GEMIN6: variants seen among roughly 807,000 people sequenced by gnomAD.
The protein encoded by GEMIN6 is gem-associated protein 6.
In GEMIN6, 13 loss-of-function variants were observed where a neutral mutation model predicts 14.1. That is an observed-to-expected ratio of 0.92 (90% confidence interval 0.60 to 1.46). GEMIN6 has a LOEUF of 1.46. Ranked by LOEUF, GEMIN6 falls within the 40% of genes most tolerant of loss-of-function variation. The pLI, the probability that GEMIN6 is intolerant of heterozygous loss-of-function variation, is 0.00. For synonymous variants in GEMIN6, 87 were observed against 70.0 expected (o/e 1.24, Z -1.21); for missense variants, 271 against 202.4 (o/e 1.34, Z -2.06).
rs1284704689 is a variant in GEMIN6, at chr2:38,782,315, T to C, written c.*423T>C. On this transcript the variant is annotated 3_prime_UTR_variant, in exon 3 of 3. Coordinates refer to ENST00000281950, the MANE Select transcript of GEMIN6 (RefSeq NM_024775.10). Reference sequence around the variant, plus strand: ...CACGCCACCACTCCCAGCTAATTTTTTGTATTTTAGTAGAGATGGGGTTTC... The same window carrying C: ...CACGCCACCACTCCCAGCTAATTTTCTGTATTTTAGTAGAGATGGGGTTTC... 6.4e-6 allele frequency: 1 copy of C among 157,240 alleles called. No individual in the cohort carries two copies. The highest frequency in any genetic ancestry group is 2.4e-5 in the African/African-American group (1 of 41,520). 9.7% of individuals were successfully genotyped at this position (157,240 alleles called of 1,614,324 possible). A position where few individuals can be genotyped will look rare whatever the true frequency, so the allele number is the denominator to read the frequency against.
chr2:38,784,299 G>A lies in GEMIN6; in HGVS notation c.*2407G>A, dbSNP rs1669157291. The A allele has an allele frequency of 4.6e-5, 7 of 152,186 alleles. No homozygotes were observed. The highest frequency in any genetic ancestry group is 4.6e-4 in the Admixed American group (7 of 15,256). 9.4% of individuals were successfully genotyped at this position (152,186 alleles called of 1,614,324 possible). On this transcript the variant is annotated 3_prime_UTR_variant, in exon 3 of 3. Transcript: ENST00000281950. Reference sequence around the variant, plus strand: ...CTCACGCCTGTAATCCCAGCACTTTGGGAGGCCTAGGCGGGCCGATCACTT... The same window carrying A: ...CTCACGCCTGTAATCCCAGCACTTTAGGAGGCCTAGGCGGGCCGATCACTT...
chr2:38,781,687 AAGAG>A lies in GEMIN6; in HGVS notation c.303_306del (p.Lys103ThrfsTer3). 6.2e-7 allele frequency: 1 copy of A among 1,614,218 alleles called. No individual in the cohort carries two copies. Among genetic ancestry groups the A allele is most frequent in the Non-Finnish European group, 8.5e-7 (1 of 1,180,042 alleles). On this transcript the variant is annotated frameshift_variant, in exon 3 of 3. Transcript: ENST00000281950. LOFTEE classifies it high-confidence loss of function. ...AAAGCATACAGCCCAGAGGATCTGGAAGAGAGAAAGAACAGCCTAAAGAAATGGC... is the reference window on the plus strand; with the variant it reads ...AAAGCATACAGCCCAGAGGATCTGGAAGAAAGAACAGCCTAAAGAAATGGC...
Position 38,782,014 on chromosome 2 carries a change from G to A in GEMIN6, c.*122G>A. On this transcript the variant is annotated 3_prime_UTR_variant, in exon 3 of 3. Coordinates refer to ENST00000281950, the MANE Select transcript of GEMIN6 (RefSeq NM_024775.10). The stretch of plus-strand genomic sequence containing the variant: ...GTGTGTGTGTGTATAATTCTTTGTT[G>A]TTTTGGTAAAATCAGAGGAGTGGGT... 9.6e-7 allele frequency: 1 copy of A among 1,036,750 alleles called. No individual in the cohort carries two copies. The highest frequency in any genetic ancestry group is 1.8e-5 in the South Asian group (1 of 55,942). 64.2% of individuals were successfully genotyped at this position (1,036,750 alleles called of 1,614,324 possible).
rs1418689031 is a variant in GEMIN6 at position 38,781,970 on chromosome 2, C to G, written c.*78C>G. ...ATAAAATGTTTTAAATGTAAATGTA[C>G]ATGACTGTGTGTGTGTATGTGTGTG... On this transcript the variant is annotated 3_prime_UTR_variant, in exon 3 of 3. Coordinates refer to ENST00000281950, the MANE Select transcript of GEMIN6 (RefSeq NM_024775.10). 1.5e-6 allele frequency: 2 copies of G among 1,366,504 alleles called. No homozygotes were observed. Among genetic ancestry groups the G allele is most frequent in the South Asian group, 2.8e-5 (2 of 71,930 alleles). 84.6% of individuals were successfully genotyped at this position (1,366,504 alleles called of 1,614,324 possible).
In GEMIN6 at chr2:38,782,084, A is replaced by G. The variant is rs1669105439; in HGVS notation, c.*192A>G. 1 of 527,940 alleles carries G rather than the reference A, an allele frequency of 1.9e-6. No individual in the cohort carries two copies. The highest frequency in any genetic ancestry group is 3.3e-6 in the Non-Finnish European group (1 of 304,924). 32.7% of individuals were successfully genotyped at this position (527,940 alleles called of 1,614,324 possible). A position where few individuals can be genotyped will look rare whatever the true frequency, so the allele number is the denominator to read the frequency against. The stretch of plus-strand genomic sequence containing the variant: ...GGGAAATTAATGAACTAGGGCAAGT[A>G]TAGCATCCCATGCATAAAATTAGCA... On this transcript the variant is annotated 3_prime_UTR_variant, in exon 3 of 3. Coordinates refer to ENST00000281950, the MANE Select transcript of GEMIN6 (RefSeq NM_024775.10).
In GEMIN6 at chr2:38,781,761, A is replaced by G. The variant is rs1170513049; in HGVS notation, c.373A>G (p.Arg125Gly). The change falls in exon 3 of 3, where the codon AGG (arginine) becomes GGG (glycine). Residue 125 changes from arginine (R) to glycine (G), a missense_variant. By Grantham distance (125) the Arg-to-Gly change is moderately radical (BLOSUM62 -2). Transcript: ENST00000281950. Reference protein sequence around the residue: ...IPITEQGDAPRTLCVAGVLTI... With the variant: ...IPITEQGDAPGTLCVAGVLTI... The stretch of plus-strand genomic sequence containing the variant: ...CATCACTGAACAGGGAGACGCTCCA[A>G]GGACTCTCTGTGTGGCTGGGGTCCT... 18 of 1,614,056 alleles carry G rather than the reference A, an allele frequency of 1.1e-5. No homozygotes were observed. Among genetic ancestry groups the G allele is most frequent in the Non-Finnish European group, 1.5e-5 (18 of 1,180,046 alleles).
chr2:38,779,664 A>AT lies in GEMIN6; in HGVS notation c.128+573dup, dbSNP rs1166903482. On this transcript the variant is annotated intron_variant, in intron 2 of 2. Transcript: ENST00000281950. ...TATATATATATATATATATATATAT[A>AT]TTTTTTTTTTTTTTTTTTTTTTTTT... is the stretch of plus-strand genomic sequence containing the variant. Among the ~76,000 whole-genome samples the AT allele has an allele frequency of 1.1e-3, 23 of 20,778 alleles. 1 individual carries two copies. The highest frequency in any genetic ancestry group is 3.9e-3 in the African/African-American group (21 of 5,344). 13.6% of individuals were successfully genotyped at this position (20,778 alleles called of 152,430 possible). A position where few individuals can be genotyped will look rare whatever the true frequency, so the allele number is the denominator to read the frequency against.
In GEMIN6 at chr2:38,783,988, C is replaced by A. The variant is rs1033927683; in HGVS notation, c.*2096C>A. The A allele has an allele frequency of 2.6e-5, 4 of 152,162 alleles. No individual in the cohort carries two copies. The highest frequency in any genetic ancestry group is 9.7e-5 in the African/African-American group (4 of 41,450). 9.4% of individuals were successfully genotyped at this position (152,162 alleles called of 1,614,324 possible). A position where few individuals can be genotyped will look rare whatever the true frequency, so the allele number is the denominator to read the frequency against. On this transcript the variant is annotated 3_prime_UTR_variant, in exon 3 of 3. Transcript: ENST00000281950. Reference sequence around the variant, plus strand: ...CCCAGGAATTTGCATTTCCAACAGACTCCCAGATAATGATGTTACCGTTCC... The same window carrying A: ...CCCAGGAATTTGCATTTCCAACAGAATCCCAGATAATGATGTTACCGTTCC...
At position 38,781,851 on chromosome 2, in the gene GEMIN6, G is replaced by A; in HGVS notation, c.463G>A (p.Val155Ile). 1 of 1,612,462 alleles carries A rather than the reference G, an allele frequency of 6.2e-7. No individual in the cohort carries two copies. Residue 155 changes from valine to isoleucine, a missense_variant, in exon 3 of 3, where the codon GTT becomes ATT. Transcript: ENST00000281950. ...CTCTAATGAGATTATTCTGTCGCGT[G>A]TTCAGGATCTTATTGAAGGACATCT... Reference protein sequence around the residue: ...SSSNEIILSRVQDLIEGHLTA... With the variant: ...SSSNEIILSRIQDLIEGHLTA...
chr2:38,781,242 A>G (rs889670018), intron 2 of GEMIN6, among the ~76,000 whole-genome samples: 1 of 151,642 alleles, frequency 6.6e-6, no homozygotes, highest in African/African-American at 2.4e-5. Context: ...TGCTGGGATT[A>G]CAGGCGTGAG....
intron 2 of GEMIN6, 106 bp from the exon 3 acceptor site, chr2:38,781,410 AG>A: frequency 8.9e-7 from 1 of 1,127,058 alleles, no homozygotes; most frequent in Non-Finnish European, 1.3e-6. Flanking sequence ...AATAAATGGA[AG>A]CATTCATTGG....
Position 38,779,012 on chromosome 2 carries a change from G to A in GEMIN6, c.22G>A (p.Gly8Ser), listed in dbSNP as rs368627031. The change falls in exon 2 of 3, where the codon GGC becomes AGC. Residue 8 changes from glycine to serine, a missense_variant. Gly to Ser is a moderately conservative substitution (Grantham distance 56, BLOSUM62 0). Coordinates refer to ENST00000281950, the MANE Select transcript of GEMIN6 (RefSeq NM_024775.10). The part of the protein sequence containing the change: MSEWMKK[G>S]PLEWQDYIYK... ...AATCATGAGTGAATGGATGAAGAAA[G>A]GCCCCTTAGAATGGCAAGATTACAT... is the stretch of plus-strand genomic sequence containing the variant. The A allele has an allele frequency of 6.8e-5, 110 of 1,612,652 alleles. No homozygotes were observed. The highest frequency in any genetic ancestry group is 8.9e-5 in the Non-Finnish European group (105 of 1,179,510).
At chr2:38,779,355 C>G (rs113168536) in intron 2 of GEMIN6, 23 of 422,142 alleles carry the variant, frequency 5.4e-5, no homozygotes, top group Middle Eastern at 5.8e-4. Context: ...CTTAGCCTCC[C>G]GAGTAGCTGG....
rs766646058 is a variant in GEMIN6 at position 38,781,764 on chromosome 2, ACT to A, written c.381_382del (p.Val129GlyfsTer19). The A allele has an allele frequency of 8.7e-6, 14 of 1,613,824 alleles. No homozygotes were observed. The highest frequency in any genetic ancestry group is 7.7e-5 in the South Asian group (7 of 91,064). ...CACTGAACAGGGAGACGCTCCAAGG[ACT>A]CTCTGTGTGGCTGGGGTCCTGACTA... Reference protein sequence around the residue: ...PITEQGDAPRTLCVAGVLTID... With the variant: ...PITEQGDAPRXLCVAGVLTID... On this transcript the variant is annotated frameshift_variant, in exon 3 of 3. Transcript: ENST00000281950. LOFTEE classifies it high-confidence loss of function.
In GEMIN6 at chr2:38,783,167, G is replaced by A; in HGVS notation, c.*1275G>A. 2 of 156,340 alleles carry A rather than the reference G, an allele frequency of 1.3e-5. No individual in the cohort carries two copies. The highest frequency in any genetic ancestry group is 2.8e-5 in the Non-Finnish European group (2 of 71,604). 9.7% of individuals were successfully genotyped at this position (156,340 alleles called of 1,614,324 possible). A position where few individuals can be genotyped will look rare whatever the true frequency, so the allele number is the denominator to read the frequency against. ...TTACAGGTGTGAGCCACCGTGCCCG[G>A]CTGTTTTTTGTGGGTTTTTTGTTTG... On this transcript the variant is annotated 3_prime_UTR_variant, in exon 3 of 3. Coordinates refer to ENST00000281950, the MANE Select transcript of GEMIN6 (RefSeq NM_024775.10).
chr2:38,778,916 G>C, intron 1 of GEMIN6, 56 bp from the exon 2 acceptor site: 1 of 1,454,880 alleles, frequency 6.9e-7, no homozygotes, highest in Non-Finnish European at 9.3e-7. Context: ...GGAGATTAGG[G>C]ATAAGACATT....
rs1204538551 is a variant in GEMIN6, at chr2:38,784,527, TC to T, written c.*2636del. ...GCTTGGGCAGCAGAACGAGACTCTG[TC>T]TCAAAAAAAAAAAAAAAGCCACGTA... On this transcript the variant is annotated 3_prime_UTR_variant, in exon 3 of 3. Coordinates refer to ENST00000281950, the MANE Select transcript of GEMIN6 (RefSeq NM_024775.10). The T allele has an allele frequency of 9.9e-6, 1 of 100,598 alleles. No individual in the cohort carries two copies. Among genetic ancestry groups the T allele is most frequent in the African/African-American group, 3.5e-5 (1 of 28,310 alleles). The allele number at this position is 100,598 out of a possible 1,614,324, so 6.2% of individuals were successfully genotyped here. A position where few individuals can be genotyped will look rare whatever the true frequency, so the allele number is the denominator to read the frequency against.
intron 1 of GEMIN6, 85 bp from the exon 2 acceptor site, chr2:38,778,887 T>C (rs1669010707): frequency 8.4e-7 from 1 of 1,195,470 alleles, no homozygotes; most frequent in Non-Finnish European, 1.2e-6. Flanking sequence ...ACAGATGTTC[T>C]CTGTCTCTAG....
chr2:38,784,309 G>C lies in GEMIN6; in HGVS notation c.*2417G>C, dbSNP rs1420751436. On this transcript the variant is annotated 3_prime_UTR_variant, in exon 3 of 3. Transcript: ENST00000281950. ...TAATCCCAGCACTTTGGGAGGCCTA[G>C]GCGGGCCGATCACTTGAGGCCAGGA... The C allele has an allele frequency of 1.3e-5, 2 of 152,198 alleles. No individual in the cohort carries two copies. Among genetic ancestry groups the C allele is most frequent in the Non-Finnish European group, 2.9e-5 (2 of 68,116 alleles). The allele number at this position is 152,198 out of a possible 1,614,324, so 9.4% of individuals were successfully genotyped here. A position where few individuals can be genotyped will look rare whatever the true frequency, so the allele number is the denominator to read the frequency against.
Sources: gnomAD v4.1 joint callset for allele counts (sites outside exome capture counted in the v4.1 genomes callset) on GRCh38, gnomAD v4.1.1 for gene constraint, MANE v1.5 for transcripts, NCBI Gene and HGNC (gene_info 2026-07-23, HGNC 2026-07-21) for gene names.